Variants in EML6 observed in about 807,000 individuals in gnomAD.
EML6 encodes the protein EMAP like 6, also known as echinoderm microtubule-associated protein-like 6.
Under a neutral mutation model 240.1 loss-of-function variants are expected in EML6, and 154 were observed. The observed-to-expected ratio is 0.64, with a 90% CI of 0.56 to 0.73. The LOEUF is 0.73. EML6 is among the 30% of genes least tolerant of loss of function. The probability of loss-of-function intolerance (pLI) is 0.00; values close to 1 mark genes in which losing one functional copy is unlikely to be tolerated. For synonymous variants in EML6, 1,148 were observed against 899.0 expected, an observed-to-expected ratio of 1.28 and a Z score of -4.95; for missense variants, 2,964 against 2,474.6, an observed-to-expected ratio of 1.20 and a Z score of -4.20.
chr2:54,844,305 A>G (rs1284583245), intron 8 of EML6, 57 bp downstream of exon 8: 5 of 1,383,646 alleles, frequency 3.6e-6, no homozygotes, highest in South Asian at 1.2e-5. Context: ...TATTTGCCCA[A>G]ATTTGCTTAT....
intron 2 of EML6, among the ~76,000 whole-genome samples, chr2:54,799,352 C>T (rs558458140): frequency 2.8e-4 from 42 of 152,006 alleles, no homozygotes; most frequent in South Asian, 4.2e-4. Flanking sequence ...TGAGCCACCA[C>T]GCCCAGCCTT....
intron 3 of EML6, among the ~76,000 whole-genome samples, chr2:54,814,872 A>T (rs1436568270): frequency 1.3e-5 from 2 of 152,224 alleles, no homozygotes; most frequent in Non-Finnish European, 2.9e-5. Context: ...TCATCCAGTT[A>T]GTCAGTTTAA....
In EML6 at chr2:54,744,960, A is replaced by ACC. The variant is rs1553370072; in HGVS notation, c.197+19703_197+19704insCC. Among the ~76,000 whole-genome samples the ACC allele has an allele frequency of 3.3e-4, 29 of 88,266 alleles. 1 individual carries two copies. Among genetic ancestry groups the ACC allele is most frequent in the Non-Finnish European group, 2.3e-4 (9 of 38,868 alleles). The allele number at this position is 88,266 out of a possible 152,430, so 57.9% of individuals were successfully genotyped here. A position where few individuals can be genotyped will look rare whatever the true frequency, so the allele number is the denominator to read the frequency against. ...CACACACACACACACACACACACAC[A>ACC]CACCCTGCCATGCAGGCCTTCCCAG... On this transcript the variant is annotated intron_variant, in intron 2 of 41. Transcript: ENST00000356458.
chr2:54,852,372 C>T (rs773660397), intron 10 of EML6, among the ~76,000 whole-genome samples: 5 of 152,142 alleles, frequency 3.3e-5, no homozygotes, highest in Admixed American at 6.6e-5. Flanking sequence ...CTTTGCTTGA[C>T]GTTACTTCAT....
chr2:54,830,014 C>G (rs923321030), intron 7 of EML6, among the ~76,000 whole-genome samples: 2 of 152,124 alleles, frequency 1.3e-5, no homozygotes, highest in African/African-American at 4.8e-5. Context: ...AATACTAGCA[C>G]CAGCCTCCCA....
intron 2 of EML6, among the ~76,000 whole-genome samples, chr2:54,793,844 C>CT (rs1486161115): frequency 6.6e-6 from 1 of 151,896 alleles, no homozygotes; most frequent in Non-Finnish European, 1.5e-5. Flanking sequence ...CTGGAACTCC[C>CT]TGGAACTCCA....
intron 3 of EML6, among the ~76,000 whole-genome samples, chr2:54,814,115 T>C (rs1667979016): frequency 6.6e-6 from 1 of 152,236 alleles, no homozygotes; most frequent in Non-Finnish European, 1.5e-5. Flanking sequence ...ATGAATAAAG[T>C]CCACACTTTG....
At chr2:54,962,980 A>T (rs889586791) in intron 36 of EML6, among the ~76,000 whole-genome samples, 3 of 152,280 alleles carry the variant, frequency 2.0e-5, no homozygotes, top group Non-Finnish European at 4.4e-5. Flanking sequence ...TGAGAAGACT[A>T]AAAATGATTT....
chr2:54,951,336 C>G (rs1333078718), intron 30 of EML6, among the ~76,000 whole-genome samples: 2 of 152,018 alleles, frequency 1.3e-5, no homozygotes, highest in African/African-American at 4.8e-5. Context: ...AGTTCGAGAC[C>G]AGCCCGGTCA....
intron 21 of EML6, 126 bp from the exon 22 acceptor site, chr2:54,899,515 A>C: frequency 1.1e-6 from 1 of 939,866 alleles, no homozygotes. Context: ...AGGAAGCTCA[A>C]AGTGTGTTTA....
Position 54,827,588 on chromosome 2 carries a change from C to T in EML6, c.548C>T (p.Ala183Val), listed in dbSNP as rs868804248. ...HIKFWTLCGN[A>V]LTAKRGIFGK... is the part of the protein sequence containing the mutation. Reference sequence around the variant, plus strand: ...TAGTTTTGGACACTGTGTGGAAATGCCCTGACTGCAAAAAGAGGGATATTT... The same window carrying T: ...TAGTTTTGGACACTGTGTGGAAATGTCCTGACTGCAAAAAGAGGGATATTT... Residue 183 changes from alanine to valine, a missense_variant, in exon 6 of 42, where the codon GCC becomes GTC. Transcript: ENST00000356458. The T allele has an allele frequency of 3.2e-6, 5 of 1,551,526 alleles. No individual in the cohort carries two copies. Among genetic ancestry groups the T allele is most frequent in the Middle Eastern group, 1.7e-4 (1 of 5,960 alleles).
intron 24 of EML6, among the ~76,000 whole-genome samples, chr2:54,905,373 C>A (rs1299450242): frequency 1.6e-5 from 2 of 124,020 alleles, no homozygotes; most frequent in Non-Finnish European, 3.6e-5. Flanking sequence ...CACACACACA[C>A]ACACAAAATA....
At chr2:54,968,071 G>A in intron 39 of EML6, 57 bp from the exon 40 acceptor site, 1 of 1,513,110 alleles carries the variant, frequency 6.6e-7, no homozygotes, top group East Asian at 2.5e-5. Context: ...ATGACTGACT[G>A]CAAGGAGCCT....
chr2:54,860,108 G>C (rs1670596909), intron 12 of EML6, among the ~76,000 whole-genome samples: 1 of 152,240 alleles, frequency 6.6e-6, no homozygotes, highest in Middle Eastern at 3.4e-3. Flanking sequence ...GAAAAGCTGA[G>C]GCACACTCTG....
rs147922424 is a variant in EML6, at chr2:54,792,724, A to G, written c.198-20508A>G. ...ACTGCTAAAAAAGTTTATTTGAAGTATTTTTTATACCTAATACTATGGGCA... is the reference window on the plus strand; with the variant it reads ...ACTGCTAAAAAAGTTTATTTGAAGTGTTTTTTATACCTAATACTATGGGCA... On this transcript the variant is annotated intron_variant, in intron 2 of 41. Transcript: ENST00000356458. Among the ~76,000 whole-genome samples, 659 of 152,340 alleles carry G rather than the reference A, an allele frequency of 4.3e-3. 2 individuals are homozygous for G. Among genetic ancestry groups the G allele is most frequent in the Middle Eastern group, 0.014 (4 of 294 alleles).
Position 54,971,059 on chromosome 2 carries a change from T to A in EML6, c.*964T>A, listed in dbSNP as rs1331876050. Reference sequence around the variant, plus strand: ...TGACTTATCTCGTTAAATCTTAAGATAAATGAGGGTAACCCAAGGCTGCAC... The same window carrying A: ...TGACTTATCTCGTTAAATCTTAAGAAAAATGAGGGTAACCCAAGGCTGCAC... On this transcript the variant is annotated 3_prime_UTR_variant, in exon 42 of 42. Transcript: ENST00000356458. The A allele has an allele frequency of 6.6e-6, 1 of 152,216 alleles. No homozygotes were observed. The highest frequency in any genetic ancestry group is 1.5e-5 in the Non-Finnish European group (1 of 68,042). The allele number at this position is 152,216 out of a possible 1,614,324, so 9.4% of individuals were successfully genotyped here.
At chr2:54,946,167 A>T (rs1473949166) in intron 28 of EML6, among the ~76,000 whole-genome samples, 1 of 152,150 alleles carries the variant, frequency 6.6e-6, no homozygotes, top group African/African-American at 2.4e-5. Flanking sequence ...ATTTCTTGCC[A>T]ATGGAAGCTC....
At chr2:54,835,897 A>T (rs1038985366) in intron 7 of EML6, among the ~76,000 whole-genome samples, 8 of 152,196 alleles carry the variant, frequency 5.3e-5, no homozygotes, top group African/African-American at 1.9e-4. Flanking sequence ...TCCCTTGCAG[A>T]GAACGTCCAA....
intron 5 of EML6, among the ~76,000 whole-genome samples, chr2:54,825,582 T>C (rs1251237215): frequency 6.6e-6 from 1 of 152,156 alleles, no homozygotes; most frequent in Non-Finnish European, 1.5e-5. Context: ...TTTCAACATA[T>C]ACTTCAACAC....
Sources: gnomAD v4.1 joint callset for allele counts (sites outside exome capture counted in the v4.1 genomes callset) on GRCh38, gnomAD v4.1.1 for gene constraint, MANE v1.5 for transcripts, NCBI Gene and HGNC (gene_info 2026-07-23, HGNC 2026-07-21) for gene names.